SIAH1: variants seen among roughly 807,000 people sequenced by gnomAD.
SIAH1 encodes E3 ubiquitin-protein ligase SIAH1.
Under a neutral mutation model 20.0 loss-of-function variants are expected in SIAH1, and 2 were observed. The ratio of observed to expected loss-of-function variants is 0.10; its 90% confidence interval spans 0.04 to 0.31. The LOEUF is 0.31. SIAH1 is among the 10% of genes least tolerant of loss of function. SIAH1 has a pLI of 1.00. For missense variants in SIAH1, 119 were observed against 355.3 expected (o/e 0.33, Z 5.35); for synonymous variants, 118 against 125.3 (o/e 0.94, Z 0.39).
At chr16:48,365,557 C>T in intron 1 of SIAH1, 3 of 1,540,012 alleles carry the variant, frequency 1.9e-6, no homozygotes, top group Non-Finnish European at 1.7e-6. Context: ...CTCCTAAGCA[C>T]AGAAGACCCA....
At chr16:48,380,753 G>A (rs1215080615) in intron 1 of SIAH1, among the ~76,000 whole-genome samples, 2 of 151,610 alleles carry the variant, frequency 1.3e-5, no homozygotes, top group Non-Finnish European at 2.9e-5. Context: ...GCAAAACCCC[G>A]TCTCTACTAA....
At chr16:48,365,039 A>G (rs1313601791) in intron 1 of SIAH1, 2 of 207,124 alleles carry the variant, frequency 9.7e-6, no homozygotes, top group African/African-American at 4.6e-5. Flanking sequence ...TGTGAAAAAG[A>G]AGCGAAATGT....
intron 1 of SIAH1, among the ~76,000 whole-genome samples, chr16:48,366,256 T>C (rs1413085501): frequency 6.6e-6 from 1 of 152,240 alleles, no homozygotes; most frequent in Non-Finnish European, 1.5e-5. Context: ...ATCTGGGAAA[T>C]GCGTGGCCAC....
At chr16:48,366,000 A>G in intron 1 of SIAH1, 1 of 876,712 alleles carries the variant, frequency 1.1e-6, no homozygotes, top group East Asian at 4.9e-5. Context: ...CGCGGCGCAC[A>G]GGGCGATGCC....
intron 1 of SIAH1, among the ~76,000 whole-genome samples, chr16:48,380,593 C>T (rs1384748777): frequency 6.6e-6 from 1 of 152,006 alleles, no homozygotes; most frequent in Non-Finnish European, 1.5e-5. Flanking sequence ...TGCTCCACAT[C>T]ACATGTCATC....
chr16:48,371,363 CCTTA>C (rs1315706035), intron 1 of SIAH1, among the ~76,000 whole-genome samples: 3 of 152,190 alleles, frequency 2.0e-5, no homozygotes, highest in Admixed American at 1.3e-4. Context: ...TGTATGTTCT[CCTTA>C]CTTACCCTGG....
At chr16:48,383,480 C>CCA (rs1961351987) in intron 1 of SIAH1, among the ~76,000 whole-genome samples, 1 of 152,192 alleles carries the variant, frequency 6.6e-6, no homozygotes. Context: ...ACATTTGCCA[C>CCA]CACACTACAT....
At chr16:48,364,527 A>C (rs1352565050) in intron 1 of SIAH1, among the ~76,000 whole-genome samples, 4 of 152,232 alleles carry the variant, frequency 2.6e-5, no homozygotes, top group African/African-American at 9.6e-5. Flanking sequence ...TGGACTCAGA[A>C]CATGAATCAA....
rs886888231 is a variant in SIAH1, at chr16:48,361,511, C to T, written c.*69G>A. Reference sequence around the variant, plus strand: ...ACCGAAAGAGTTTTAGGTTGGCAGACAGATGGGTGCCTTATTTTCTGTGAA... The same window carrying T: ...ACCGAAAGAGTTTTAGGTTGGCAGATAGATGGGTGCCTTATTTTCTGTGAA... On this transcript the variant is annotated 3_prime_UTR_variant, in exon 2 of 2. Transcript: ENST00000394725. 1.3e-6 allele frequency: 2 copies of T among 1,530,516 alleles called. No homozygotes were observed. The highest frequency in any genetic ancestry group is 1.8e-6 in the Non-Finnish European group (2 of 1,116,404). 94.8% of individuals were successfully genotyped at this position (1,530,516 alleles called of 1,614,324 possible).
intron 1 of SIAH1, chr16:48,365,563 ACC>A: frequency 6.5e-7 from 1 of 1,526,936 alleles, no homozygotes; most frequent in Non-Finnish European, 8.8e-7. Context: ...AGCACAGAAG[ACC>A]CAAATTCGCG....
Position 48,380,928 on chromosome 16 carries a change from C to CAAAAAAAAAAAA in SIAH1, c.-3+4264_-3+4275dup, listed in dbSNP as rs59376248. Among the ~76,000 whole-genome samples the CAAAAAAAAAAAA allele has an allele frequency of 9.5e-3, 427 of 44,826 alleles. 71 individuals carry two copies. Among genetic ancestry groups the CAAAAAAAAAAAA allele is most frequent in the African/African-American group, 0.022 (219 of 9,990 alleles). 29.4% of individuals were successfully genotyped at this position (44,826 alleles called of 152,430 possible). On this transcript the variant is annotated intron_variant, in intron 1 of 1. Coordinates refer to ENST00000394725, the MANE Select transcript of SIAH1 (RefSeq NM_003031.4). Reference sequence around the variant, plus strand: ...TGGGCGACAGAGTGAGACTCCGTCTCAAAAAAAAAAAAAAAAAGAACGGCT... The same window carrying CAAAAAAAAAAAA: ...TGGGCGACAGAGTGAGACTCCGTCTCAAAAAAAAAAAAAAAAAAAAAAAAAAAAAGAACGGCT...
chr16:48,368,394 AAAC>A (rs1369952359), intron 1 of SIAH1, among the ~76,000 whole-genome samples: 5 of 152,246 alleles, frequency 3.3e-5, no homozygotes, highest in African/African-American at 7.2e-5. Context: ...ATTTAGTAAA[AAAC>A]AACAACAACA....
chr16:48,361,515 TG>T lies in SIAH1; in HGVS notation c.*64del, dbSNP rs544369413. On this transcript the variant is annotated 3_prime_UTR_variant, in exon 2 of 2. Transcript: ENST00000394725. ...AAAGAGTTTTAGGTTGGCAGACAGATGGGTGCCTTATTTTCTGTGAAACTGA... is the reference window on the plus strand; with the variant it reads ...AAAGAGTTTTAGGTTGGCAGACAGATGGTGCCTTATTTTCTGTGAAACTGA... 6.5e-7 allele frequency: 1 copy of T among 1,544,274 alleles called. No homozygotes were observed. The highest frequency in any genetic ancestry group is 1.7e-5 in the Admixed American group (1 of 59,742).
chr16:48,363,576 AG>A (rs1960697800), intron 1 of SIAH1: 1 of 167,056 alleles, frequency 6.0e-6, no homozygotes, highest in South Asian at 2.1e-4. Context: ...TGAACAAAGG[AG>A]GACAGTCAGG....
chr16:48,370,234 G>A (rs774170403), intron 1 of SIAH1, among the ~76,000 whole-genome samples: 1 of 152,184 alleles, frequency 6.6e-6, no homozygotes, highest in Non-Finnish European at 1.5e-5. Context: ...AGTAGGAAGA[G>A]CCACATAAAT....
chr16:48,365,982 T>C, intron 1 of SIAH1: 1 of 1,035,848 alleles, frequency 9.7e-7, no homozygotes, highest in African/African-American at 1.7e-5. Flanking sequence ...CAGGGCCAGT[T>C]CAGGGCGCGC....
At chr16:48,383,583 G>A (rs563275863) in intron 1 of SIAH1, among the ~76,000 whole-genome samples, 1 of 152,278 alleles carries the variant, frequency 6.6e-6, no homozygotes, top group South Asian at 2.1e-4. Flanking sequence ...GTTAACTCAA[G>A]TCCTTGAAAG....
At chr16:48,382,624 T>C (rs80262770) in intron 1 of SIAH1, among the ~76,000 whole-genome samples, 2,600 of 152,228 alleles carry the variant, frequency 0.017, 90 homozygotes, top group African/African-American at 0.06. Context: ...AAAGGAAAAT[T>C]TCCTTTTTTG....
At chr16:48,385,674 C>T (rs1961445336), upstream of SIAH1, among the ~76,000 whole-genome samples, 1 of 152,112 alleles carries the variant, frequency 6.6e-6, no homozygotes, top group African/African-American at 2.4e-5. Flanking sequence ...GCGCTCTGGC[C>T]CGCGAGAAGC....
Sources: gnomAD v4.1 joint callset for allele counts (sites outside exome capture counted in the v4.1 genomes callset) on GRCh38, gnomAD v4.1.1 for gene constraint, MANE v1.5 for transcripts, NCBI Gene and HGNC (gene_info 2026-07-23, HGNC 2026-07-21) for gene names.